The following DZANK1 variants were observed in gnomAD, a reference collection of about 807,000 sequenced individuals.
DZANK1 encodes double zinc ribbon and ankyrin repeat-containing protein 1.
DZANK1 carries 91 observed loss-of-function variants against 94.5 expected under a neutral mutation model. The observed-to-expected ratio is 0.96, with a 90% CI of 0.81 to 1.15. The LOEUF is 1.15. Ranked by LOEUF, DZANK1 falls within the 50% of genes most tolerant of loss-of-function variation. The probability of loss-of-function intolerance (pLI) is 0.00; values close to 1 mark genes in which losing one functional copy is unlikely to be tolerated. For synonymous variants in DZANK1, 312 were observed against 325.3 expected (o/e 0.96, Z 0.44); for missense variants, 903 against 916.4 (o/e 0.99, Z 0.19).
intron 13 of DZANK1, among the ~76,000 whole-genome samples, chr20:18,409,164 AAAT>A (rs1243845961): frequency 2.6e-5 from 4 of 152,094 alleles, no homozygotes; most frequent in Non-Finnish European, 5.9e-5. Flanking sequence ...AAAATTTTTT[AAAT>A]AAAAAATTTA....
At chr20:18,389,705 C>T (rs1022495020) in exon 19 of DZANK1, 14 of 1,613,714 alleles carry the variant, frequency 8.7e-6, no homozygotes, top group Non-Finnish European at 1.2e-5. Flanking sequence ...ACTTACGGCC[C>T]CCACTGCTGG....
At chr20:18,457,399 C>T (rs948789229) in intron 3 of DZANK1, among the ~76,000 whole-genome samples, 1 of 152,156 alleles carries the variant, frequency 6.6e-6, no homozygotes, top group Non-Finnish European at 1.5e-5. Flanking sequence ...ATTGCTTGAA[C>T]CCACGAGGCG....
chr20:18,387,010 G>A (rs1452062972), intron 19 of DZANK1, among the ~76,000 whole-genome samples: 2 of 152,156 alleles, frequency 1.3e-5, no homozygotes, highest in Non-Finnish European at 2.9e-5. Flanking sequence ...AAAGAAAGAG[G>A]TTTAACTGGA....
intron 13 of DZANK1, among the ~76,000 whole-genome samples, chr20:18,406,986 G>A (rs1302950172): frequency 2.0e-5 from 3 of 152,224 alleles, no homozygotes; most frequent in Non-Finnish European, 4.4e-5. Context: ...GAAAGGGGAG[G>A]GAAGAGCAGG....
At chr20:18,444,163 G>A (rs958946633) in intron 7 of DZANK1, among the ~76,000 whole-genome samples, 1 of 152,174 alleles carries the variant, frequency 6.6e-6, no homozygotes, top group East Asian at 1.9e-4. Flanking sequence ...AGAAGGCTTG[G>A]ATACTGTGCA....
At chr20:18,403,743 C>T (rs2056805584) in intron 13 of DZANK1, among the ~76,000 whole-genome samples, 1 of 151,918 alleles carries the variant, frequency 6.6e-6, no homozygotes, top group Non-Finnish European at 1.5e-5. Context: ...GGACATGTGA[C>T]CCAGGATGAC....
chr20:18,446,689 T>C (rs1338145735), intron 7 of DZANK1, among the ~76,000 whole-genome samples: 1 of 152,186 alleles, frequency 6.6e-6, no homozygotes, highest in Non-Finnish European at 1.5e-5. Context: ...GTTAAAAATC[T>C]TCCTGAAAAA....
intron 2 of DZANK1, 144 bp from the exon 3 acceptor site, chr20:18,460,450 G>T: frequency 2.9e-6 from 2 of 686,848 alleles, no homozygotes; most frequent in East Asian, 3.0e-5. Context: ...TGTGACTTAG[G>T]ACAGGCATGT....
At position 18,389,465 on chromosome 20, in the gene DZANK1, C is replaced by A. The variant is rs185638295; in HGVS notation, c.2018+236G>T. ...AAGTTTATGAATTAACAAAATGTAT[C>A]ATCATTTATAAAAGCCACTAAATTA... On this transcript the variant is annotated intron_variant, in intron 19 of 20. Coordinates refer to ENST00000262547, the Ensembl canonical transcript of DZANK1. Among the ~76,000 whole-genome samples the A allele has an allele frequency of 2.1e-3, 319 of 152,304 alleles. 5 individuals are homozygous for A. Among genetic ancestry groups the A allele is most frequent in the African/African-American group, 7.3e-3 (302 of 41,560 alleles).
chr20:18,404,435 G>A (rs1027670612), intron 13 of DZANK1, among the ~76,000 whole-genome samples: 1 of 152,128 alleles, frequency 6.6e-6, no homozygotes, highest in African/African-American at 2.4e-5. Context: ...ACTCTCCATG[G>A]AGTCACATCA....
Position 18,412,776 on chromosome 20 carries a change from CTG to C in DZANK1, c.1300_1301del (p.Gln434AspfsTer31). On this transcript the variant is annotated frameshift_variant, in exon 13 of 21. Transcript: ENST00000262547. LOFTEE classifies it high-confidence loss of function. ...CAGATGGGTAGAAGAGGCCAACAGT[CTG>C]TGTTCCTATGTCCCTCTTAGTCCCA... 6.2e-7 allele frequency: 1 copy of C among 1,613,922 alleles called. No homozygotes were observed. Among genetic ancestry groups the C allele is most frequent in the Admixed American group, 1.7e-5 (1 of 60,016 alleles).
rs79911000 is a variant in DZANK1 at position 18,412,859 on chromosome 20, C to A, written c.1243-24G>T. 18,406 of 1,610,636 alleles carry A rather than the reference C, an allele frequency of 0.011. 728 individuals are homozygous for A. The African/African-American group carries it at 0.12, about 10-fold the overall frequency. On this transcript the variant is annotated intron_variant, in intron 12 of 20. Coordinates refer to ENST00000262547, the Ensembl canonical transcript of DZANK1. ...GACTGCCAGGCACATCGGGGCCATG[C>A]GTGAGGCAGAAGACATTTTTAAAAT...
At chr20:18,408,231 G>C (rs1393273532) in intron 13 of DZANK1, among the ~76,000 whole-genome samples, 1 of 152,124 alleles carries the variant, frequency 6.6e-6, no homozygotes, top group Non-Finnish European at 1.5e-5. Flanking sequence ...CAGGAGAATC[G>C]CTTCAACCCA....
chr20:18,461,043 T>G lies in DZANK1; in HGVS notation c.110-737A>C, dbSNP rs55875999. 3.6e-3 allele frequency among the ~76,000 whole-genome samples: 548 copies of G among 152,344 alleles called. 1 individual carries two copies. Among genetic ancestry groups the G allele is most frequent in the Middle Eastern group, 0.01 (3 of 294 alleles). ...AGCCCCTGCTCTTGAACCACTATGC[T>G]CTTTTGCCTCTCCAACAGGGCACTG... On this transcript the variant is annotated intron_variant, in intron 2 of 20. Coordinates refer to ENST00000262547, the Ensembl canonical transcript of DZANK1.
chr20:18,448,313 G>A (rs1462698667), intron 7 of DZANK1, among the ~76,000 whole-genome samples: 2 of 152,152 alleles, frequency 1.3e-5, no homozygotes, highest in African/African-American at 2.4e-5. Flanking sequence ...TCACTTCGTT[G>A]ACATATTGAA....
chr20:18,436,440 T>C (rs888045481), intron 8 of DZANK1, among the ~76,000 whole-genome samples: 1 of 77,226 alleles, frequency 1.3e-5, no homozygotes, highest in African/African-American at 3.9e-5. Context: ...CGAGACTCCA[T>C]CTCAAAAAAA....
At chr20:18,411,677 CTT>C (rs1280676574) in intron 13 of DZANK1, among the ~76,000 whole-genome samples, 4 of 152,174 alleles carry the variant, frequency 2.6e-5, no homozygotes, top group African/African-American at 9.6e-5. Flanking sequence ...ACTAATATCT[CTT>C]ATAAATATAG....
chr20:18,445,624 C>T (rs915619535), intron 7 of DZANK1, among the ~76,000 whole-genome samples: 1 of 152,122 alleles, frequency 6.6e-6, no homozygotes, highest in Admixed American at 6.5e-5. Flanking sequence ...CACCAGGCCA[C>T]GTGTACTGGC....
At chr20:18,465,163 G>T in intron 2 of DZANK1, 87 bp downstream of exon 2, 2 of 860,324 alleles carry the variant, frequency 2.3e-6, no homozygotes, top group Non-Finnish European at 3.5e-6. Flanking sequence ...GAGTGAGAAA[G>T]CAGGCAAAGA....
Sources: allele counts gnomAD v4.1 joint callset (sites outside exome capture counted in the v4.1 genomes callset), GRCh38; gene constraint gnomAD v4.1.1; transcripts MANE v1.5; gene names NCBI Gene and HGNC (gene_info 2026-07-23, HGNC 2026-07-21).